Variants in ROS1 observed in about 807,000 individuals in gnomAD.
ROS1 encodes ROS proto-oncogene 1, receptor tyrosine kinase.
A neutral mutation model predicts 273.5 loss-of-function variants in ROS1; 263 were observed. That is an observed-to-expected ratio of 0.96 (90% CI 0.87 to 1.06). The LOEUF is 1.06. Ranked by LOEUF, ROS1 falls within the 50% of genes least tolerant of loss-of-function variation. The pLI is 0.00. For missense variants in ROS1, 2,833 were observed against 2,751.1 expected, an observed-to-expected ratio of 1.03 and a Z score of -0.67; for synonymous variants, 1,008 against 954.1, an observed-to-expected ratio of 1.06 and a Z score of -1.04.
At chr6:117,348,348 T>A (rs926526399) in intron 27 of ROS1, among the ~76,000 whole-genome samples, 4 of 151,998 alleles carry the variant, frequency 2.6e-5, no homozygotes, top group African/African-American at 9.7e-5. Flanking sequence ...CCATTTCATC[T>A]AGGTTATTAA....
At chr6:117,307,742 C>G (rs1221196906) in intron 42 of ROS1, among the ~76,000 whole-genome samples, 3 of 152,090 alleles carry the variant, frequency 2.0e-5, no homozygotes, top group African/African-American at 7.2e-5. Flanking sequence ...AAAACATTCA[C>G]CAGTAGAACA....
intron 22 of ROS1, among the ~76,000 whole-genome samples, chr6:117,360,648 T>G (rs2128650959): frequency 6.6e-6 from 1 of 152,292 alleles, no homozygotes; most frequent in Admixed American, 6.5e-5. Flanking sequence ...AAATCTCTCT[T>G]GCTAAAAAAT....
chr6:117,345,250 G>T (rs3777969), intron 27 of ROS1, among the ~76,000 whole-genome samples: 13,283 of 152,180 alleles, frequency 0.087, 675 homozygotes, highest in South Asian at 0.18. Flanking sequence ...GTCTCTTCAG[G>T]TTGGAATGAT....
chr6:117,375,279 G>A (rs1423414181), intron 18 of ROS1, among the ~76,000 whole-genome samples: 1 of 152,146 alleles, frequency 6.6e-6, no homozygotes, highest in East Asian at 1.9e-4. Context: ...ATGGACTTTG[G>A]GGATTTGGAG....
chr6:117,295,374 C>T (rs1774148248), intron 43 of ROS1, among the ~76,000 whole-genome samples: 1 of 152,118 alleles, frequency 6.6e-6, no homozygotes, highest in African/African-American at 2.4e-5. Context: ...AGACTTCAAA[C>T]CATGAAACTA....
At chr6:117,332,285 G>A (rs1404224642) in intron 32 of ROS1, among the ~76,000 whole-genome samples, 2 of 151,880 alleles carry the variant, frequency 1.3e-5, no homozygotes, top group African/African-American at 4.8e-5. Context: ...AATTCAACAA[G>A]AAGAGTTAAC....
At chr6:117,386,146 AATT>A (rs1315955010) in intron 15 of ROS1, among the ~76,000 whole-genome samples, 1 of 152,210 alleles carries the variant, frequency 6.6e-6, no homozygotes, top group East Asian at 1.9e-4. Context: ...ATGAAGTAGG[AATT>A]ATTCTCATTT....
chr6:117,371,474 T>C (rs1335703866), intron 18 of ROS1, among the ~76,000 whole-genome samples: 2 of 152,098 alleles, frequency 1.3e-5, no homozygotes, highest in Non-Finnish European at 2.9e-5. Context: ...CAGAGATCCT[T>C]GGGGAGGGCT....
intron 43 of ROS1, among the ~76,000 whole-genome samples, chr6:117,295,483 C>T (rs766062384): frequency 1.3e-5 from 2 of 152,064 alleles, no homozygotes; most frequent in Non-Finnish European, 2.9e-5. Context: ...CAAAAATGGA[C>T]AAATGGGATC....
At chr6:117,348,435 G>A (rs569787606) in intron 27 of ROS1, among the ~76,000 whole-genome samples, 11 of 151,752 alleles carry the variant, frequency 7.2e-5, no homozygotes, top group South Asian at 2.1e-4. Flanking sequence ...AGATGTCCCC[G>A]CCTTCATTTC....
chr6:117,361,364 G>C (rs1193065760), intron 22 of ROS1, among the ~76,000 whole-genome samples: 1 of 150,426 alleles, frequency 6.6e-6, no homozygotes, highest in Non-Finnish European at 1.5e-5. Flanking sequence ...TATACTTTTA[G>C]TATTAAACAT....
chr6:117,416,288 A>C lies in ROS1; in HGVS notation c.198T>G (p.Ser66=). The C allele has an allele frequency of 6.2e-7, 1 of 1,601,468 alleles. No individual in the cohort carries two copies. The highest frequency in any genetic ancestry group is 1.1e-5 in the South Asian group (1 of 90,812). Residue 66 remains serine, a synonymous_variant, in exon 3 of 44, where the codon TCT becomes TCG. Coordinates refer to ENST00000368507, the MANE Select transcript of ROS1 (RefSeq NM_001378902.1). The part of the protein sequence containing the change: ...PCIQGCHFWN[S]VDQKNCALKC... ...TTAAAGCACAGTTTTTCTGATCTAC[A>C]GAGTTCCAAAAGTGACATCCTTGGA...
chr6:117,318,948 C>T (rs9489123), intron 37 of ROS1, among the ~76,000 whole-genome samples: 1,722 of 152,234 alleles, frequency 0.011, 25 homozygotes, highest in East Asian at 0.039. Context: ...CCAAAGCCAG[C>T]AGTCATCTTG....
intron 27 of ROS1, among the ~76,000 whole-genome samples, chr6:117,345,569 C>T (rs946922727): frequency 9.2e-5 from 14 of 152,282 alleles, no homozygotes; most frequent in African/African-American, 3.1e-4. Context: ...GTTGTCGATC[C>T]TTATGAATTC....
At chr6:117,410,441 C>A (rs570537448) in intron 4 of ROS1, among the ~76,000 whole-genome samples, 81 of 152,096 alleles carry the variant, frequency 5.3e-4, no homozygotes, top group African/African-American at 1.9e-3. Flanking sequence ...ATCTTTATAC[C>A]AATGCTGAGT....
chr6:117,392,127 C>T (rs748932113), intron 12 of ROS1, among the ~76,000 whole-genome samples: 5 of 152,096 alleles, frequency 3.3e-5, no homozygotes, highest in Non-Finnish European at 5.9e-5. Flanking sequence ...TTCATAGGAC[C>T]GTAGACCTTT....
chr6:117,419,771 A>T (rs2128747875), intron 1 of ROS1, among the ~76,000 whole-genome samples: 1 of 152,286 alleles, frequency 6.6e-6, no homozygotes. Context: ...ACAGTAGGAG[A>T]GCAGAGATAT....
chr6:117,380,615 T>G (rs1772047566), intron 17 of ROS1, among the ~76,000 whole-genome samples: 1 of 152,008 alleles, frequency 6.6e-6, no homozygotes. Context: ...AAAAAGGAGA[T>G]TCTACAATTT....
At chr6:117,376,916 C>A (rs1169766525) in intron 18 of ROS1, among the ~76,000 whole-genome samples, 1 of 151,944 alleles carries the variant, frequency 6.6e-6, no homozygotes, top group Non-Finnish European at 1.5e-5. Flanking sequence ...TTTGGAAAGG[C>A]AAAAGATCAA....
Sources: gnomAD v4.1 joint callset for allele counts (sites outside exome capture counted in the v4.1 genomes callset) on GRCh38, gnomAD v4.1.1 for gene constraint, MANE v1.5 for transcripts, NCBI Gene and HGNC (gene_info 2026-07-23, HGNC 2026-07-21) for gene names.